The following RLF variants were observed in gnomAD, a reference collection of about 807,000 sequenced individuals.
RLF encodes RLF zinc finger.
Under a neutral mutation model 162.9 loss-of-function variants are expected in RLF, and 7 were observed. The observed-to-expected ratio is 0.04, with a 90% CI of 0.02 to 0.08. The LOEUF (loss-of-function observed/expected upper bound fraction) is 0.08. RLF is among the 10% of genes least tolerant of loss of function. The pLI, the probability that RLF is intolerant of heterozygous loss-of-function variation, is 1.00. For missense variants in RLF, 1,664 were observed against 2,244.7 expected (o/e 0.74, Z 5.23); for synonymous variants, 782 against 791.5 (o/e 0.99, Z 0.20).
At chr1:40,164,788 CTT>C (rs1642143262) in intron 1 of RLF, among the ~76,000 whole-genome samples, 2 of 152,156 alleles carry the variant, frequency 1.3e-5, no homozygotes, top group South Asian at 4.1e-4. Context: ...TGTGATTACA[CTT>C]TGAGAATACT....
chr1:40,171,829 G>C (rs867064798), intron 1 of RLF, among the ~76,000 whole-genome samples: 1 of 152,084 alleles, frequency 6.6e-6, no homozygotes, highest in South Asian at 2.1e-4. Flanking sequence ...CAGTATAAAA[G>C]GGGAGAATAA....
At chr1:40,173,531 T>G (rs74503183) in intron 1 of RLF, among the ~76,000 whole-genome samples, 1 of 147,496 alleles carries the variant, frequency 6.8e-6, no homozygotes, top group African/African-American at 2.5e-5. Flanking sequence ...TTTTTTTTTT[T>G]AAGACAGAGC....
intron 1 of RLF, among the ~76,000 whole-genome samples, chr1:40,178,638 T>TTTG (rs1557739803): frequency 7.4e-5 from 11 of 149,074 alleles, no homozygotes; most frequent in East Asian, 3.9e-4. Flanking sequence ...TTTTGTTTTT[T>TTTG]TTTTTTTTTT....
chr1:40,231,287 G>T (rs913048853), intron 6 of RLF, among the ~76,000 whole-genome samples: 1 of 152,118 alleles, frequency 6.6e-6, no homozygotes, highest in Non-Finnish European at 1.5e-5. Flanking sequence ...GTAGTGTTTT[G>T]TTTTTATTTT....
At position 40,239,775 on chromosome 1, in the gene RLF, T is replaced by G. The variant is rs140776235; in HGVS notation, c.5073T>G (p.Pro1691=). The change falls in exon 8 of 8, where the codon CCT becomes CCG. Residue 1691 remains proline, a synonymous_variant. Transcript: ENST00000372771. ...TAGAACAGTGTAATATAGTTCAGCC[T>G]CCTCCTCCTTGTAAAATAGAAAATT... ...TSLEQCNIVQ[P]PPPCKIENSI... is the part of the protein sequence containing the mutation. 4.0e-5 allele frequency: 64 copies of G among 1,613,984 alleles called. No individual in the cohort carries two copies. In the African/African-American group the frequency reaches 6.9e-4, roughly 17 times the overall value.
chr1:40,236,772 G>A lies in RLF; in HGVS notation c.2070G>A (p.Val690=). Residue 690 remains valine (V), a synonymous_variant, in exon 8 of 8, where the codon GTG becomes GTA. Coordinates refer to ENST00000372771, the MANE Select transcript of RLF (RefSeq NM_012421.4). This position sits in a 1 kb window ranked among gnomAD's most constrained non-coding sequence, Gnocchi z 7.7. ...TTAAGCAATTTAAATACTTAAGTGTGCATCTTAAAGCTGAACACCAAAATA... is the reference window on the plus strand; with the variant it reads ...TTAAGCAATTTAAATACTTAAGTGTACATCTTAAAGCTGAACACCAAAATA... ...RVFKQFKYLS[V]HLKAEHQNND... The A allele has an allele frequency of 6.2e-7, 1 of 1,613,968 alleles. No individual in the cohort carries two copies. Among genetic ancestry groups the A allele is most frequent in the Non-Finnish European group, 8.5e-7 (1 of 1,179,914 alleles).
chr1:40,188,870 C>G (rs932028641), intron 1 of RLF, among the ~76,000 whole-genome samples, 185 bp from the exon 2 acceptor site: 17 of 152,174 alleles, frequency 1.1e-4, no homozygotes, highest in Admixed American at 3.9e-4. Context: ...TTCTTTAACT[C>G]AGCAGAAATC....
At position 40,236,400 on chromosome 1, in the gene RLF, G is replaced by A. The variant is rs899656204; in HGVS notation, c.1698G>A (p.Glu566=). 1 of 1,613,978 alleles carries A rather than the reference G, an allele frequency of 6.2e-7. No homozygotes were observed. The highest frequency in any genetic ancestry group is 1.1e-5 in the South Asian group (1 of 91,074). Residue 566 remains glutamate, a synonymous_variant, in exon 8 of 8, where the codon GAG becomes GAA. Transcript: ENST00000372771. This position sits in a 1 kb window ranked among gnomAD's most constrained non-coding sequence, Gnocchi z 7.7. ...FCLLCKRECI[E]ARILHHSKMH... is the part of the protein sequence containing the mutation. Reference sequence around the variant, plus strand: ...TGTTATGTAAGCGGGAATGTATAGAGGCTAGAATTCTTCATCATTCTAAGA... The same window carrying A: ...TGTTATGTAAGCGGGAATGTATAGAAGCTAGAATTCTTCATCATTCTAAGA...
At position 40,240,101 on chromosome 1, in the gene RLF, A is replaced by G. The variant is rs1387031759; in HGVS notation, c.5399A>G (p.Asn1800Ser). Reference protein sequence around the residue: ...WEPSEHLTLSNSSQSSNDLTG... With the variant: ...WEPSEHLTLSSSSQSSNDLTG... ...CCTTCAGAGCACTTAACATTAAGTA[A>G]TTCTTCACAGTCCAGTAATGATTTA... Residue 1800 changes from asparagine (N) to serine (S), a missense_variant, in exon 8 of 8, where the codon AAT becomes AGT. Physicochemically the swap from Asn to Ser is conservative, Grantham distance 46 (BLOSUM62 1). Coordinates refer to ENST00000372771, the MANE Select transcript of RLF (RefSeq NM_012421.4). The G allele has an allele frequency of 6.2e-7, 1 of 1,614,182 alleles. No individual in the cohort carries two copies. Among genetic ancestry groups the G allele is most frequent in the South Asian group, 1.1e-5 (1 of 91,084 alleles).
In RLF at chr1:40,190,853, G is replaced by A; in HGVS notation, c.474G>A (p.Gln158=). Residue 158 remains glutamine, a splice_region_variant and synonymous_variant, in exon 3 of 8, where the codon CAG becomes CAA. Transcript: ENST00000372771. ...GGCTACCATTCCTTCAGTCTCTACAGGTGAGTTGATTTTAACTCAGAAAAG... is the reference window on the plus strand; with the variant it reads ...GGCTACCATTCCTTCAGTCTCTACAAGTGAGTTGATTTTAACTCAGAAAAG... The part of the protein sequence containing the change: ...EVWLPFLQSL[Q]ESHDALLEFG... The A allele has an allele frequency of 6.2e-7, 1 of 1,604,142 alleles. No individual in the cohort carries two copies. Among genetic ancestry groups the A allele is most frequent in the Non-Finnish European group, 8.5e-7 (1 of 1,174,246 alleles).
Position 40,182,753 on chromosome 1 carries a change from GTAGATAGA to G in RLF, c.238-6269_238-6262del, listed in dbSNP as rs10591738. ...GAAAAAAGTATAGACAGATAGATAG[GTAGATAGA>G]TAGATAGATAGATAGATAGATAGAT... On this transcript the variant is annotated intron_variant, in intron 1 of 7. Coordinates refer to ENST00000372771, the MANE Select transcript of RLF (RefSeq NM_012421.4). Among the ~76,000 whole-genome samples the G allele has an allele frequency of 4.7e-3, 700 of 148,838 alleles. 2 individuals carry two copies. Among genetic ancestry groups the G allele is most frequent in the Middle Eastern group, 6.8e-3 (2 of 292 alleles).
Position 40,161,693 on chromosome 1 carries a change from C to A in RLF, c.237+57C>A. The stretch of plus-strand genomic sequence containing the variant: ...GGGGCGGGGAAGTCAGGGAAGGAGG[C>A]CCTGGATCCTCTGTAAGCAGCCGGG... On this transcript the variant is annotated intron_variant, in intron 1 of 7. Coordinates refer to ENST00000372771, the MANE Select transcript of RLF (RefSeq NM_012421.4). The surrounding 1 kb of genome is among the most constrained non-coding windows in gnomAD (Gnocchi z 4.4). The A allele has an allele frequency of 1.3e-6, 2 of 1,588,598 alleles. No homozygotes were observed. Among genetic ancestry groups the A allele is most frequent in the Non-Finnish European group, 1.7e-6 (2 of 1,173,296 alleles).
At chr1:40,194,469 G>A (rs1366471656) in intron 3 of RLF, among the ~76,000 whole-genome samples, 2 of 151,688 alleles carry the variant, frequency 1.3e-5, no homozygotes, top group East Asian at 1.9e-4. Flanking sequence ...GCAAAACCCC[G>A]TCTCTACTAA....
chr1:40,182,742 C>A (rs902620237), intron 1 of RLF, among the ~76,000 whole-genome samples: 1 of 124,280 alleles, frequency 8.0e-6, no homozygotes, highest in African/African-American at 3.2e-5. Context: ...AAAGTATAGA[C>A]AGATAGATAG....
chr1:40,186,394 T>C (rs1162538617), intron 1 of RLF, among the ~76,000 whole-genome samples: 1 of 152,058 alleles, frequency 6.6e-6, no homozygotes, highest in Non-Finnish European at 1.5e-5. Context: ...AACCAACACA[T>C]GAGGGGGTAA....
intron 7 of RLF, among the ~76,000 whole-genome samples, chr1:40,231,912 A>T (rs1643155959): frequency 6.6e-6 from 1 of 152,198 alleles, no homozygotes; most frequent in Non-Finnish European, 1.5e-5. Flanking sequence ...TGTCACGTTA[A>T]GAACATTTTA....
At chr1:40,193,559 T>C (rs61780454) in intron 3 of RLF, among the ~76,000 whole-genome samples, 7,922 of 152,206 alleles carry the variant, frequency 0.052, 600 homozygotes, top group African/African-American at 0.17. Flanking sequence ...CACATGGACT[T>C]TTTCTCCTCA....
chr1:40,236,330 C>G lies in RLF; in HGVS notation c.1628C>G (p.Ser543Cys), dbSNP rs762802100. The G allele has an allele frequency of 6.2e-7, 1 of 1,613,940 alleles. No homozygotes were observed. The highest frequency in any genetic ancestry group is 8.5e-7 in the Non-Finnish European group (1 of 1,179,980). ...AAAAGAGACAAAAAACCTATTGGCTCTTCTGAAAGATATCAGAGGTGGCTT... is the reference window on the plus strand; with the variant it reads ...AAAAGAGACAAAAAACCTATTGGCTGTTCTGAAAGATATCAGAGGTGGCTT... ...KEKRDKKPIG[S>C]SERYQRWLQY... The change falls in exon 8 of 8, where the codon TCT becomes TGT. Residue 543 changes from serine (S) to cysteine (C), a missense_variant. Around this residue, in one of 15 missense-constraint regions of RLF, gnomAD observed 54 missense variants for 71.7 expected, o/e 0.75. Coordinates refer to ENST00000372771, the MANE Select transcript of RLF (RefSeq NM_012421.4). The surrounding 1 kb of genome is among the most constrained non-coding windows in gnomAD (Gnocchi z 7.7).
At chr1:40,163,698 A>G (rs937755464) in intron 1 of RLF, among the ~76,000 whole-genome samples, 1 of 152,210 alleles carries the variant, frequency 6.6e-6, no homozygotes, top group South Asian at 2.1e-4. Flanking sequence ...TAGAAAGCAC[A>G]TGGGATTGGG....
Sources: gnomAD v4.1 joint callset for allele counts (sites outside exome capture counted in the v4.1 genomes callset) on GRCh38, gnomAD v4.1.1 for gene constraint, gnomAD v4.1.1 regional missense constraint, Gnocchi (gnomAD v3.1) non-coding constraint, MANE v1.5 for transcripts, NCBI Gene and HGNC (gene_info 2026-07-23, HGNC 2026-07-21) for gene names.